Variants in SUFU observed in about 807,000 individuals in gnomAD.
SUFU encodes the protein suppressor of fused homolog.
A neutral mutation model predicts 58.9 loss-of-function variants in SUFU; 7 were observed. That is an observed-to-expected ratio of 0.12 (90% CI 0.07 to 0.22). The LOEUF (loss-of-function observed/expected upper bound fraction) is 0.22. Ranked by LOEUF, SUFU falls within the 10% of genes least tolerant of loss-of-function variation. SUFU has a pLI of 1.00. For missense variants in SUFU, 451 were observed against 641.3 expected (o/e 0.70, Z 3.20); for synonymous variants, 232 against 254.8 (o/e 0.91, Z 0.85).
chr10:102,562,248 G>A (rs1465441811), intron 3 of SUFU, among the ~76,000 whole-genome samples: 3 of 152,254 alleles, frequency 2.0e-5, no homozygotes, highest in South Asian at 2.1e-4. Flanking sequence ...TTCTATGCCA[G>A]GTGCGGTGGC....
intron 3 of SUFU, among the ~76,000 whole-genome samples, chr10:102,571,434 G>T (rs2063159193): frequency 6.6e-6 from 1 of 152,218 alleles, no homozygotes; most frequent in Non-Finnish European, 1.5e-5. Flanking sequence ...GGAGGCTGAG[G>T]TGGGTGGATC....
chr10:102,553,789 T>C (rs965769051), intron 3 of SUFU, among the ~76,000 whole-genome samples: 4 of 151,780 alleles, frequency 2.6e-5, no homozygotes, highest in South Asian at 2.1e-4. Flanking sequence ...ACCCAGACAG[T>C]GTAGCTCTGA....
chr10:102,531,028 A>G (rs2062671093), intron 2 of SUFU, among the ~76,000 whole-genome samples: 1 of 149,606 alleles, frequency 6.7e-6, no homozygotes, highest in South Asian at 2.1e-4. Flanking sequence ...GCTTGAGCCC[A>G]GAAGTTTGAG....
chr10:102,535,513 AG>A (rs1290953140), intron 2 of SUFU, among the ~76,000 whole-genome samples: 2 of 150,244 alleles, frequency 1.3e-5, no homozygotes, highest in Non-Finnish European at 3.0e-5. Context: ...AAGAAAAGAA[AG>A]AAAAAAGAAA....
Position 102,619,038 on chromosome 10 carries a change from T to C in SUFU, c.1296+1610T>C. 1 of 1,611,530 alleles carries C rather than the reference T, an allele frequency of 6.2e-7. No individual in the cohort carries two copies. Among genetic ancestry groups the C allele is most frequent in the Non-Finnish European group, 8.5e-7 (1 of 1,179,524 alleles). ...ACTGGGGCCTCCCCAAACTGCAGAA[T>C]CTACCCAGTTATGTTTGACATCCTC... On this transcript the variant is annotated intron_variant, in intron 10 of 11. Coordinates refer to ENST00000369902, the MANE Select transcript of SUFU (RefSeq NM_016169.4). The surrounding 1 kb of genome is among the most constrained non-coding windows in gnomAD (Gnocchi z 4.2).
At chr10:102,593,546 T>C in intron 4 of SUFU, 90 bp from the exon 5 acceptor site, 2 of 1,282,084 alleles carry the variant, frequency 1.6e-6, no homozygotes, top group Middle Eastern at 1.8e-4. Context: ...GTCTCCCAAC[T>C]GGAGGTGACT....
chr10:102,591,027 G>T (rs1024416435), intron 3 of SUFU: 1 of 152,192 alleles, frequency 6.6e-6, no homozygotes, highest in Non-Finnish European at 1.5e-5. Context: ...AACTGAAGCC[G>T]TATCTTGGAT....
chr10:102,624,216 C>T lies in SUFU; in HGVS notation c.1297-2959C>T, dbSNP rs75314618. Among the ~76,000 whole-genome samples the T allele has an allele frequency of 6.3e-3, 966 of 152,312 alleles. 11 individuals carry two copies. The highest frequency in any genetic ancestry group is 0.01 in the Non-Finnish European group (682 of 68,022). On this transcript the variant is annotated intron_variant, in intron 10 of 11. Transcript: ENST00000369902. ...CAGTGAGCCTCAGGAGTGCCAAGCC[C>T]CAGAACTGCACAGGCTTTTCCCACA...
At chr10:102,614,318 G>A (rs2063659217) in intron 8 of SUFU, among the ~76,000 whole-genome samples, 1 of 152,196 alleles carries the variant, frequency 6.6e-6, no homozygotes, top group African/African-American at 2.4e-5. Context: ...CACTTTGGGA[G>A]GCCGAGGTAG....
At chr10:102,546,158 T>C (rs2062852255) in intron 2 of SUFU, among the ~76,000 whole-genome samples, 1 of 152,212 alleles carries the variant, frequency 6.6e-6, no homozygotes, top group Non-Finnish European at 1.5e-5. Context: ...GGTTTGATGT[T>C]ACTCTTGGGG....
intron 3 of SUFU, among the ~76,000 whole-genome samples, chr10:102,591,229 T>C (rs1265067262): frequency 1.3e-5 from 2 of 152,074 alleles, no homozygotes; most frequent in Non-Finnish European, 2.9e-5. Flanking sequence ...TGCTGGGTGC[T>C]GTGGCTCATA....
intron 2 of SUFU, among the ~76,000 whole-genome samples, chr10:102,542,012 G>A (rs2062807542): frequency 6.6e-6 from 1 of 151,186 alleles, no homozygotes; most frequent in Admixed American, 6.6e-5. Context: ...AGTCTCCCGA[G>A]TAGCTGAGAT....
intron 2 of SUFU, among the ~76,000 whole-genome samples, chr10:102,545,650 T>G (rs2062847812): frequency 6.6e-6 from 1 of 152,212 alleles, no homozygotes; most frequent in African/African-American, 2.4e-5. Flanking sequence ...GGGCAGTAGC[T>G]CACTGTGGTT....
At chr10:102,626,741 C>A (rs1331155155) in intron 10 of SUFU, among the ~76,000 whole-genome samples, 2 of 152,182 alleles carry the variant, frequency 1.3e-5, no homozygotes, top group Non-Finnish European at 2.9e-5. Context: ...CAAACAGTTT[C>A]CTTTTGTCCT....
At chr10:102,623,343 C>T (rs956704699) in intron 10 of SUFU, among the ~76,000 whole-genome samples, 1 of 152,248 alleles carries the variant, frequency 6.6e-6, no homozygotes, top group Non-Finnish European at 1.5e-5. Context: ...CACTTGGGAA[C>T]CATCTCTGGG....
intron 2 of SUFU, among the ~76,000 whole-genome samples, chr10:102,537,993 C>T (rs1384491367): frequency 6.6e-6 from 1 of 152,190 alleles, no homozygotes; most frequent in Non-Finnish European, 1.5e-5. Context: ...TCCATAGCAG[C>T]TGTATCATCT....
chr10:102,572,915 T>G (rs1019776828), intron 3 of SUFU: 1 of 906,058 alleles, frequency 1.1e-6, no homozygotes, highest in African/African-American at 1.6e-5. Flanking sequence ...TGGTGCTTGT[T>G]GGCTTTAACA....
chr10:102,605,892 C>A (rs2063558338), intron 8 of SUFU, among the ~76,000 whole-genome samples: 1 of 152,096 alleles, frequency 6.6e-6, no homozygotes. Context: ...CTGGGCATCC[C>A]CAAGGAGAAG....
At chr10:102,592,367 C>CCTTTT (rs3839934) in intron 3 of SUFU, among the ~76,000 whole-genome samples, 1 of 151,574 alleles carries the variant, frequency 6.6e-6, no homozygotes, top group Admixed American at 6.6e-5. Flanking sequence ...CTGTCCTTTT[C>CCTTTT]AAGTCTGACA....
Sources: gnomAD v4.1 joint callset for allele counts (sites outside exome capture counted in the v4.1 genomes callset) on GRCh38, gnomAD v4.1.1 for gene constraint, Gnocchi (gnomAD v3.1) non-coding constraint, MANE v1.5 for transcripts, NCBI Gene and HGNC (gene_info 2026-07-23, HGNC 2026-07-21) for gene names.